NXPE4: variants seen among roughly 807,000 people sequenced by gnomAD.
NXPE4 encodes neurexophilin and PC-esterase domain family member 4.
In NXPE4, 42 loss-of-function variants were observed where a neutral mutation model predicts 33.3. The observed-to-expected ratio is 1.26, with a 90% CI of 0.98 to 1.63. NXPE4 has a LOEUF of 1.63. Ranked by LOEUF, NXPE4 falls within the 40% of genes most tolerant of loss-of-function variation. The pLI is 0.00. For missense variants in NXPE4, 709 were observed against 647.6 expected (o/e 1.09, Z -1.03); for synonymous variants, 253 against 234.9 (o/e 1.08, Z -0.71).
chr11:114,663,577 TCTATCTATC>T, the NXPE4 span, among the ~76,000 whole-genome samples: 3 of 141,912 alleles, frequency 2.1e-5, no homozygotes, highest in Admixed American at 2.1e-4. Context: ...ATCTATCATC[TCTATCTATC>T]ATCTATCTAT....
chr11:114,589,306 A>G (rs1230521147), intron 2 of NXPE4, among the ~76,000 whole-genome samples: 3 of 152,082 alleles, frequency 2.0e-5, no homozygotes, highest in Non-Finnish European at 4.4e-5. Flanking sequence ...TTCCCATTAC[A>G]GCACAGGAGG....
chr11:114,579,914 T>C (rs1205333129), intron 5 of NXPE4, among the ~76,000 whole-genome samples: 1 of 152,178 alleles, frequency 6.6e-6, no homozygotes, highest in Non-Finnish European at 1.5e-5. Flanking sequence ...TCTGCAGAGA[T>C]AGGGATGTAA....
At chr11:114,588,710 C>T (rs1949367760) in intron 2 of NXPE4, among the ~76,000 whole-genome samples, 1 of 152,022 alleles carries the variant, frequency 6.6e-6, no homozygotes, top group African/African-American at 2.4e-5. Context: ...AGAACTAAGG[C>T]CAAACCTCTT....
At chr11:114,667,392 G>A in the NXPE4 span, among the ~76,000 whole-genome samples, 1 of 152,186 alleles carries the variant, frequency 6.6e-6, no homozygotes, top group Non-Finnish European at 1.5e-5. Flanking sequence ...ACTTCTAAAT[G>A]TTAATTCAGT....
upstream of NXPE4, among the ~76,000 whole-genome samples, chr11:114,595,980 G>A (rs915802823): frequency 1.3e-5 from 2 of 152,032 alleles, no homozygotes; most frequent in African/African-American, 2.4e-5. Flanking sequence ...ATAAATAATT[G>A]TATTTAGTTA....
intron 5 of NXPE4, among the ~76,000 whole-genome samples, chr11:114,574,898 A>G (rs896858781): frequency 3.3e-5 from 5 of 152,198 alleles, no homozygotes; most frequent in Middle Eastern, 3.4e-3. Flanking sequence ...AAAGAAAACT[A>G]CAGACCAGTA....
the NXPE4 span, among the ~76,000 whole-genome samples, chr11:114,655,339 T>C: frequency 2.0e-5 from 3 of 152,220 alleles, no homozygotes; most frequent in Non-Finnish European, 4.4e-5. Flanking sequence ...TTAGATCCCA[T>C]TTGTCAATTT....
At chr11:114,604,044 A>G in the NXPE4 span, among the ~76,000 whole-genome samples, 1 of 151,964 alleles carries the variant, frequency 6.6e-6, no homozygotes, top group Middle Eastern at 3.2e-3. Flanking sequence ...ATTGCCTCAT[A>G]GGTAACTACT....
the NXPE4 span, among the ~76,000 whole-genome samples, chr11:114,623,434 C>T: frequency 6.6e-6 from 1 of 152,076 alleles, no homozygotes; most frequent in Non-Finnish European, 1.5e-5. Flanking sequence ...ATAAGTATTC[C>T]CTCATGGGTA....
chr11:114,656,943 A>T, the NXPE4 span, among the ~76,000 whole-genome samples: 1 of 152,166 alleles, frequency 6.6e-6, no homozygotes, highest in Admixed American at 6.5e-5. Context: ...ATACAAAAAA[A>T]ATTAGCCAGG....
chr11:114,582,684 G>A lies in NXPE4; in HGVS notation c.434C>T (p.Pro145Leu), dbSNP rs778259672. The A allele has an allele frequency of 1.2e-6, 2 of 1,614,154 alleles. No individual in the cohort carries two copies. The highest frequency in any genetic ancestry group is 1.7e-6 in the Non-Finnish European group (2 of 1,179,998). ...TCCTGAAGCACCTGCCATCAGCGCT[G>A]GGGAAGACATCCTGGCCCTCAGGAA... Reference protein sequence around the residue: ...GDFLRARMSSPALMAGASGKV... With the variant: ...GDFLRARMSSLALMAGASGKV... Residue 145 changes from proline to leucine, a missense_variant, in exon 3 of 6, where the codon CCA (proline) becomes CTA (leucine). Physicochemically the swap from Pro to Leu is moderately conservative, Grantham distance 98. Transcript: ENST00000375478.
the NXPE4 span, among the ~76,000 whole-genome samples, chr11:114,647,940 T>G: frequency 6.6e-6 from 1 of 152,190 alleles, no homozygotes; most frequent in African/African-American, 2.4e-5. Flanking sequence ...GACCTCGTGA[T>G]CCACCTGCCT....
At chr11:114,620,364 A>G in the NXPE4 span, among the ~76,000 whole-genome samples, 1 of 151,100 alleles carries the variant, frequency 6.6e-6, no homozygotes, top group Non-Finnish European at 1.5e-5. Context: ...TTACCGGTGG[A>G]AAATAAGTGT....
chr11:114,666,124 A>G, the NXPE4 span, among the ~76,000 whole-genome samples: 1 of 152,130 alleles, frequency 6.6e-6, no homozygotes, highest in African/African-American at 2.4e-5. Flanking sequence ...ATCTTTAGAC[A>G]GCCATGCCAT....
chr11:114,599,066 T>C (rs1384020841), upstream of NXPE4, among the ~76,000 whole-genome samples: 1 of 152,162 alleles, frequency 6.6e-6, no homozygotes, highest in East Asian at 1.9e-4. Flanking sequence ...TTTTACATCT[T>C]TTTTTTGCAC....
the NXPE4 span, among the ~76,000 whole-genome samples, chr11:114,630,339 A>G: frequency 6.6e-6 from 1 of 151,948 alleles, no homozygotes; most frequent in Admixed American, 6.5e-5. Context: ...AGATCAATGG[A>G]ACAGAACATA....
chr11:114,616,018 G>A, the NXPE4 span, among the ~76,000 whole-genome samples: 1 of 151,780 alleles, frequency 6.6e-6, no homozygotes, highest in South Asian at 2.1e-4. Flanking sequence ...AATAAGTATT[G>A]CCTCGTGGGT....
intron 2 of NXPE4, chr11:114,584,564 C>A: frequency 1.2e-5 from 2 of 161,856 alleles, no homozygotes; most frequent in Non-Finnish European, 2.7e-5. Context: ...CTCCCATCTT[C>A]AAAAAAGCCA....
At chr11:114,617,176 G>A in the NXPE4 span, among the ~76,000 whole-genome samples, 3 of 151,842 alleles carry the variant, frequency 2.0e-5, no homozygotes, top group African/African-American at 7.3e-5. Flanking sequence ...TTACCCAGTG[G>A]ATAATAAGTG....
Sources: allele counts gnomAD v4.1 joint callset (sites outside exome capture counted in the v4.1 genomes callset), GRCh38; gene constraint gnomAD v4.1.1; transcripts MANE v1.5; gene names NCBI Gene and HGNC (gene_info 2026-07-23, HGNC 2026-07-21).